Variants in CBLC observed in about 807,000 individuals in gnomAD.
The protein encoded by CBLC is E3 ubiquitin-protein ligase CBL-C.
A neutral mutation model predicts 58.6 loss-of-function variants in CBLC; 46 were observed. The ratio of observed to expected loss-of-function variants is 0.79; its 90% CI spans 0.62 to 1.00. CBLC has a LOEUF of 1.00. Ranked by LOEUF, CBLC falls within the 50% of genes least tolerant of loss-of-function variation. The pLI, the probability that CBLC is intolerant of heterozygous loss-of-function variation, is 0.00. For missense variants in CBLC, 655 were observed against 625.8 expected, an observed-to-expected ratio of 1.05 and a Z score of -0.50; for synonymous variants, 271 against 264.2, an observed-to-expected ratio of 1.03 and a Z score of -0.25.
At chr19:44,788,780 G>A (rs1230901573) in intron 5 of CBLC, among the ~76,000 whole-genome samples, 1 of 152,170 alleles carries the variant, frequency 6.6e-6, no homozygotes, top group Non-Finnish European at 1.5e-5. Flanking sequence ...TGGGATTACA[G>A]GTGTGAGCCA....
chr19:44,784,418 G>C lies in CBLC; in HGVS notation c.917+17G>C, dbSNP rs966569231. ...GGACGGCTTGTGAGTCTCCATTCTG[G>C]TAGGAGGAGGGTGTCAGCAAAATCT... On this transcript the variant is annotated intron_variant, in intron 5 of 10. Transcript: ENST00000647358. 6.4e-7 allele frequency: 1 copy of C among 1,560,082 alleles called. No individual in the cohort carries two copies. Among genetic ancestry groups the C allele is most frequent in the African/African-American group, 1.3e-5 (1 of 74,286 alleles).
chr19:44,793,981 C>A (rs1384145541), intron 8 of CBLC: 1 of 279,914 alleles, frequency 3.6e-6, no homozygotes, highest in Non-Finnish European at 5.4e-6. Context: ...GGGCTGATAA[C>A]AAGATTCTCA....
chr19:44,800,343 C>T (rs373295347), intron 9 of CBLC, 38 bp from the exon 10 acceptor site: 77 of 1,436,684 alleles, frequency 5.4e-5, no homozygotes, highest in Non-Finnish European at 5.6e-5. Flanking sequence ...GATTGGATGC[C>T]GGGAATCAAC....
At chr19:44,782,517 CA>C in intron 4 of CBLC, 26 bp downstream of exon 4, 1 of 1,599,400 alleles carries the variant, frequency 6.3e-7, no homozygotes, top group Non-Finnish European at 8.6e-7. Context: ...CTCAGCAGAA[CA>C]AGGCTGCAGG....
intron 4 of CBLC, 22 bp from the exon 5 acceptor site, chr19:44,784,242 T>C (rs1343225451): frequency 1.3e-6 from 2 of 1,557,234 alleles, no homozygotes; most frequent in Non-Finnish European, 8.8e-7. Flanking sequence ...CCTCACCCCA[T>C]CCTACCTACC....
chr19:44,798,875 C>A (rs1209751128), intron 9 of CBLC, among the ~76,000 whole-genome samples: 2 of 152,206 alleles, frequency 1.3e-5, no homozygotes, highest in Admixed American at 1.3e-4. Context: ...CCCTACTCCA[C>A]CTCCTTTCCG....
At chr19:44,794,070 A>C in intron 8 of CBLC, 134 bp from the exon 9 acceptor site, 1 of 1,443,872 alleles carries the variant, frequency 6.9e-7, no homozygotes, top group East Asian at 2.5e-5. Context: ...CTAAGTGTTC[A>C]TACGTTGTCT....
At chr19:44,784,023 G>T (rs571180149) in intron 4 of CBLC, among the ~76,000 whole-genome samples, 1 of 152,188 alleles carries the variant, frequency 6.6e-6, no homozygotes, top group Non-Finnish European at 1.5e-5. Context: ...CCAGTGAAGC[G>T]AGGAGAGATC....
chr19:44,792,087 G>A (rs999180900), intron 6 of CBLC, among the ~76,000 whole-genome samples: 4 of 151,340 alleles, frequency 2.6e-5, no homozygotes, highest in East Asian at 2.0e-4. Context: ...TCCATCTCCC[G>A]GGTTCAAGCG....
chr19:44,780,842 G>C (rs1443755554), intron 1 of CBLC, 63 bp from the exon 2 acceptor site: 2 of 1,546,798 alleles, frequency 1.3e-6, no homozygotes, highest in Admixed American at 1.7e-5. Flanking sequence ...TTCCCCATGA[G>C]GGGAGGAAGA....
intron 6 of CBLC, among the ~76,000 whole-genome samples, chr19:44,791,132 A>G (rs1391547077): frequency 6.6e-6 from 1 of 151,804 alleles, no homozygotes; most frequent in Non-Finnish European, 1.5e-5. Flanking sequence ...AAAGAAAAAA[A>G]AAAAGAAAGA....
chr19:44,785,358 G>A (rs1418371403), intron 5 of CBLC, among the ~76,000 whole-genome samples: 2 of 151,704 alleles, frequency 1.3e-5, no homozygotes, highest in South Asian at 2.1e-4. Context: ...TTCCCTTCTC[G>A]AACTCCCAAA....
rs147316311 is a variant in CBLC at position 44,782,461 on chromosome 19, G to T, written c.749G>T (p.Arg250Leu). The change falls in exon 4 of 11, where the codon CGT becomes CTT. Residue 250 changes from arginine (R) to leucine (L), a missense_variant. Arg to Leu is a moderately radical substitution (Grantham distance 102). Around this residue, in one of 3 missense-constraint regions of CBLC, gnomAD observed 371 missense variants for 370.8 expected, o/e 1.00. Coordinates refer to ENST00000647358, the MANE Select transcript of CBLC (RefSeq NM_012116.4). The part of the protein sequence containing the change: ...AFLTYDEVQE[R>L]LQACRDKPGS... ...CTCACCTATGATGAGGTCCAAGAGC[G>T]TCTGCAGGCCTGCAGGGACAAGCCA... The T allele has an allele frequency of 1.2e-6, 2 of 1,613,678 alleles. No individual in the cohort carries two copies. Among genetic ancestry groups the T allele is most frequent in the African/African-American group, 2.7e-5 (2 of 74,878 alleles).
intron 7 of CBLC, 130 bp from the exon 8 acceptor site, chr19:44,793,344 T>A (rs1437535098): frequency 3.0e-6 from 3 of 1,008,788 alleles, no homozygotes; most frequent in African/African-American, 1.7e-5. Flanking sequence ...ACGACTCTTC[T>A]CTCCTTCCGT....
intron 5 of CBLC, among the ~76,000 whole-genome samples, chr19:44,788,541 G>A (rs929995759): frequency 4.7e-5 from 7 of 148,230 alleles, no homozygotes; most frequent in Middle Eastern, 6.9e-3. Context: ...GTGCAGTGGT[G>A]CGATATCCAT....
At position 44,777,998 on chromosome 19, in the gene CBLC, A is replaced by C; in HGVS notation, c.67A>C (p.Arg23=). The C allele has an allele frequency of 6.2e-7, 1 of 1,608,498 alleles. No individual in the cohort carries two copies. Among genetic ancestry groups the C allele is most frequent in the Middle Eastern group, 1.7e-4 (1 of 6,052 alleles). The stretch of plus-strand genomic sequence containing the variant: ...GGCCCGCGCCCTGGGCCGGGCAGTC[A>C]GGATGCTGCAGCGCCTAGAAGAGCA... ...EEARALGRAV[R]MLQRLEEQCV... is the part of the protein sequence containing the mutation. Residue 23 remains arginine (R), a synonymous_variant, in exon 1 of 11, where the codon AGG becomes CGG. Transcript: ENST00000647358.
intron 9 of CBLC, 96 bp downstream of exon 9, chr19:44,794,377 C>T: frequency 8.9e-7 from 1 of 1,128,378 alleles, no homozygotes; most frequent in Non-Finnish European, 1.3e-6. Flanking sequence ...AGGGCAGGGA[C>T]TCATCCTTGG....
intron 9 of CBLC, among the ~76,000 whole-genome samples, chr19:44,798,932 A>G (rs984699391): frequency 6.6e-6 from 1 of 151,864 alleles, no homozygotes; most frequent in Non-Finnish European, 1.5e-5. Flanking sequence ...GCAAGCCTCC[A>G]CTCACTCGGA....
intron 9 of CBLC, among the ~76,000 whole-genome samples, chr19:44,798,459 C>T (rs1408790380): frequency 2.0e-5 from 3 of 152,112 alleles, no homozygotes; most frequent in African/African-American, 7.2e-5. Context: ...CGTGTAATCT[C>T]AGCACTTTGG....
Sources: allele counts gnomAD v4.1 joint callset (sites outside exome capture counted in the v4.1 genomes callset), GRCh38; gene constraint gnomAD v4.1.1; regional missense constraint gnomAD v4.1.1; transcripts MANE v1.5; gene names NCBI Gene and HGNC (gene_info 2026-07-23, HGNC 2026-07-21).